Variants in NAV3 observed in about 807,000 individuals in gnomAD.
NAV3 encodes the protein pore membrane and/or filament interacting like protein 1.
A neutral mutation model predicts 244.7 loss-of-function variants in NAV3; 87 were observed. The ratio of observed to expected loss-of-function variants is 0.36; its 90% CI spans 0.30 to 0.42. NAV3 has a LOEUF of 0.42. Ranked by LOEUF, NAV3 falls within the 20% of genes least tolerant of loss-of-function variation. NAV3 has a pLI of 1.00. For missense variants in NAV3, 2,663 were observed against 2,893.3 expected, an observed-to-expected ratio of 0.92 and a Z score of 1.83; for synonymous variants, 1,126 against 1,042.2, an observed-to-expected ratio of 1.08 and a Z score of -1.55.
intron 1 of NAV3, among the ~76,000 whole-genome samples, chr12:77,918,691 T>C (rs1230961203): frequency 6.6e-6 from 1 of 152,030 alleles, no homozygotes; most frequent in East Asian, 1.9e-4. Flanking sequence ...TCTCATTTGG[T>C]ACAGCTGGAA....
chr12:77,613,427 A>C (rs1379033509), intron 2 of NAV3, among the ~76,000 whole-genome samples: 2 of 152,194 alleles, frequency 1.3e-5, no homozygotes, highest in African/African-American at 4.8e-5. Flanking sequence ...AAGAGTTAGC[A>C]GCAGGGCCAG....
At chr12:77,661,313 A>G (rs909232126) in intron 2 of NAV3, among the ~76,000 whole-genome samples, 1 of 152,082 alleles carries the variant, frequency 6.6e-6, no homozygotes, top group Non-Finnish European at 1.5e-5. Flanking sequence ...GTTTTAATTT[A>G]TATTTCATAA....
At chr12:78,152,665 AAT>A (rs1957120891) in intron 22 of NAV3, among the ~76,000 whole-genome samples, 1 of 152,002 alleles carries the variant, frequency 6.6e-6, no homozygotes, top group Non-Finnish European at 1.5e-5. Context: ...CATCTGAATT[AAT>A]ATCTGTTAAT....
intron 11 of NAV3, among the ~76,000 whole-genome samples, chr12:78,058,378 G>C (rs548911026): frequency 6.6e-6 from 1 of 152,098 alleles, no homozygotes; most frequent in Admixed American, 6.6e-5. Flanking sequence ...ATCAGATCTC[G>C]TCAGACTTAC....
intron 2 of NAV3, among the ~76,000 whole-genome samples, chr12:77,626,746 C>G (rs974117364): frequency 3.3e-5 from 5 of 152,018 alleles, no homozygotes; most frequent in African/African-American, 1.2e-4. Context: ...AAAGTCTTCC[C>G]CAGACAAGGA....
At chr12:78,178,814 A>AT (rs540459856) in intron 28 of NAV3, among the ~76,000 whole-genome samples, 2 of 152,056 alleles carry the variant, frequency 1.3e-5, no homozygotes, top group Admixed American at 6.6e-5. Context: ...ATATAAAACA[A>AT]TTTTTTTGGC....
chr12:77,635,342 G>A (rs1424342502), intron 2 of NAV3, among the ~76,000 whole-genome samples: 1 of 152,060 alleles, frequency 6.6e-6, no homozygotes, highest in Non-Finnish European at 1.5e-5. Context: ...CTACAAACAT[G>A]TGCCACAGTA....
At chr12:77,655,205 T>TG (rs1221846447) in intron 2 of NAV3, among the ~76,000 whole-genome samples, 2 of 151,884 alleles carry the variant, frequency 1.3e-5, no homozygotes. Context: ...ATAAAAACTT[T>TG]GAAAAAAATT....
chr12:77,643,075 G>A (rs1439691662), intron 2 of NAV3, among the ~76,000 whole-genome samples: 1 of 151,596 alleles, frequency 6.6e-6, no homozygotes, highest in Non-Finnish European at 1.5e-5. Context: ...CAAATAATCT[G>A]TAATCTAGAC....
At chr12:77,923,898 A>G (rs1887943343) in intron 1 of NAV3, among the ~76,000 whole-genome samples, 1 of 152,210 alleles carries the variant, frequency 6.6e-6, no homozygotes, top group South Asian at 2.1e-4. Context: ...AACTGTAGGT[A>G]CAACACAATG....
intron 12 of NAV3, among the ~76,000 whole-genome samples, chr12:78,063,789 G>A (rs940801830): frequency 1.3e-5 from 2 of 152,084 alleles, no homozygotes; most frequent in Non-Finnish European, 2.9e-5. Flanking sequence ...GGAATGTGGG[G>A]AGTGAGAGCA....
intron 1 of NAV3, among the ~76,000 whole-genome samples, chr12:77,871,791 G>T (rs1881008562): frequency 6.6e-6 from 1 of 152,094 alleles, no homozygotes; most frequent in Admixed American, 6.6e-5. Flanking sequence ...ATAATCCATT[G>T]GGTACGTACC....
intron 1 of NAV3, among the ~76,000 whole-genome samples, chr12:77,891,556 T>G (rs1460390850): frequency 6.6e-6 from 1 of 152,176 alleles, no homozygotes; most frequent in Non-Finnish European, 1.5e-5. Flanking sequence ...TAAATAACGT[T>G]CCAGTCCTAT....
At chr12:77,759,129 C>A (rs768660714) in intron 2 of NAV3, among the ~76,000 whole-genome samples, 7 of 152,174 alleles carry the variant, frequency 4.6e-5, no homozygotes, top group Non-Finnish European at 8.8e-5. Context: ...TCATGACATC[C>A]TTAATCCCTA....
At chr12:78,202,748 A>T (rs567669316) in intron 38 of NAV3, among the ~76,000 whole-genome samples, 1 of 152,130 alleles carries the variant, frequency 6.6e-6, no homozygotes. Context: ...GGAAGGGAAA[A>T]ATTGGAAAGT....
intron 2 of NAV3, among the ~76,000 whole-genome samples, chr12:77,818,373 T>C (rs1217211123): frequency 6.6e-6 from 1 of 152,156 alleles, no homozygotes; most frequent in Non-Finnish European, 1.5e-5. Context: ...GAAAATGATA[T>C]AGTCTCTAAT....
At chr12:78,048,728 T>C (rs1471149662) in intron 9 of NAV3, among the ~76,000 whole-genome samples, 1 of 152,202 alleles carries the variant, frequency 6.6e-6, no homozygotes, top group Non-Finnish European at 1.5e-5. Flanking sequence ...GTCTGTCCCT[T>C]AGCGGAGCTA....
At chr12:77,684,017 A>T (rs1054253905) in intron 2 of NAV3, among the ~76,000 whole-genome samples, 1 of 152,100 alleles carries the variant, frequency 6.6e-6, no homozygotes, top group South Asian at 2.1e-4. Context: ...CTGCTTAATG[A>T]TTTTCTACAG....
At chr12:77,995,745 C>T (rs140001268) in intron 6 of NAV3, among the ~76,000 whole-genome samples, 5 of 152,050 alleles carry the variant, frequency 3.3e-5, no homozygotes, top group African/African-American at 4.8e-5. Flanking sequence ...AAATAATTCT[C>T]GAAAGACAAA....
Sources: allele counts gnomAD v4.1 joint callset (sites outside exome capture counted in the v4.1 genomes callset), GRCh38; gene constraint gnomAD v4.1.1; transcripts MANE v1.5; gene names NCBI Gene and HGNC (gene_info 2026-07-23, HGNC 2026-07-21).